NDUFA7: variants seen among roughly 807,000 people sequenced by gnomAD.
The protein encoded by NDUFA7 is NADH dehydrogenase [ubiquinone] 1 alpha subcomplex subunit 7.
Under a neutral mutation model 14.2 loss-of-function variants are expected in NDUFA7, and 18 were observed. The observed-to-expected ratio is 1.27, with a 90% CI of 0.88 to 1.88. The LOEUF (loss-of-function observed/expected upper bound fraction) is 1.88, where lower values mean the gene tolerates loss of function less well. Ranked by LOEUF, NDUFA7 falls within the 40% of genes most tolerant of loss-of-function variation. NDUFA7 has a pLI of 0.00. For missense variants in NDUFA7, 172 were observed against 147.3 expected (o/e 1.17, Z -0.87); for synonymous variants, 75 against 62.1 (o/e 1.21, Z -0.98).
chr19:8,315,880 C>G (rs1053595144), intron 3 of NDUFA7, among the ~76,000 whole-genome samples: 1 of 151,962 alleles, frequency 6.6e-6, no homozygotes, highest in African/African-American at 2.4e-5. Context: ...ACAGGCCAGG[C>G]ACGGTGGGTC....
chr19:8,320,796 T>C (rs1239917231), intron 2 of NDUFA7, 61 bp downstream of exon 2: 1 of 1,596,898 alleles, frequency 6.3e-7, no homozygotes, highest in Non-Finnish European at 8.6e-7. Flanking sequence ...GGAACACAGA[T>C]TTCGTTTTTG....
chr19:8,317,938 G>A (rs969281604), intron 2 of NDUFA7, among the ~76,000 whole-genome samples: 2 of 152,168 alleles, frequency 1.3e-5, no homozygotes, highest in Non-Finnish European at 2.9e-5. Flanking sequence ...CTCCCAAAGT[G>A]CTGGGATTAC....
chr19:8,310,415 G>A (rs1370671598), downstream of NDUFA7: 1 of 152,462 alleles, frequency 6.6e-6, no homozygotes, highest in African/African-American at 2.4e-5. Context: ...GGCAACAAGA[G>A]CGAAACTCTG....
downstream of NDUFA7, chr19:8,308,905 G>A (rs2145385069): frequency 6.6e-6 from 1 of 152,244 alleles, no homozygotes; most frequent in South Asian, 2.1e-4. Context: ...AAAAAGGAAA[G>A]GAAATCAATT....
At chr19:8,316,981 G>C (rs1285015943) in intron 2 of NDUFA7, among the ~76,000 whole-genome samples, 1 of 152,182 alleles carries the variant, frequency 6.6e-6, no homozygotes, top group Non-Finnish European at 1.5e-5. Flanking sequence ...GAGCTTGGCA[G>C]CCAGCCTCAC....
intron 2 of NDUFA7, among the ~76,000 whole-genome samples, chr19:8,317,484 G>A (rs1481875413): frequency 1.3e-5 from 2 of 152,142 alleles, no homozygotes; most frequent in Admixed American, 6.5e-5. Flanking sequence ...ACTCCAGCCT[G>A]GGCGACAGAG....
At chr19:8,315,803 C>A (rs1970225713) in intron 3 of NDUFA7, among the ~76,000 whole-genome samples, 1 of 152,042 alleles carries the variant, frequency 6.6e-6, no homozygotes, top group Non-Finnish European at 1.5e-5. Flanking sequence ...GGAGGGGCAA[C>A]CCACCCCTTC....
intron 2 of NDUFA7, among the ~76,000 whole-genome samples, chr19:8,317,740 T>C (rs1040018506): frequency 6.6e-6 from 1 of 152,218 alleles, no homozygotes; most frequent in African/African-American, 2.4e-5. Context: ...CATAGCTCAC[T>C]GCAGCCTCAA....
At chr19:8,318,026 A>C (rs1568564306) in intron 2 of NDUFA7, among the ~76,000 whole-genome samples, 1 of 151,976 alleles carries the variant, frequency 6.6e-6, no homozygotes, top group Non-Finnish European at 1.5e-5. Context: ...AGAAACATAA[A>C]GTAAAAAATG....
At chr19:8,316,089 C>G (rs1970229285) in intron 3 of NDUFA7, among the ~76,000 whole-genome samples, 1 of 144,590 alleles carries the variant, frequency 6.9e-6, no homozygotes, top group Non-Finnish European at 1.5e-5. Flanking sequence ...GTGGAGATTG[C>G]AGTGAGCCGA....
chr19:8,316,385 T>G (rs1020849651), intron 3 of NDUFA7, 111 bp downstream of exon 3: 9 of 1,455,882 alleles, frequency 6.2e-6, no homozygotes, highest in Non-Finnish European at 8.4e-6. Context: ...CCTGCGCAAC[T>G]GATGCTTACT....
At chr19:8,316,407 T>C in intron 3 of NDUFA7, 89 bp downstream of exon 3, 1 of 1,545,102 alleles carries the variant, frequency 6.5e-7, no homozygotes, top group Non-Finnish European at 8.8e-7. Flanking sequence ...AGTAGGATCT[T>C]GACAAGCACC....
At chr19:8,320,999 C>G (rs926663929) in intron 1 of NDUFA7, 93 bp from the exon 2 acceptor site, 2 of 1,422,936 alleles carry the variant, frequency 1.4e-6, no homozygotes, top group African/African-American at 2.8e-5. Context: ...CGGGGATGCG[C>G]ATTTTAAGGG....
At chr19:8,313,860 G>A (rs1304228999) in intron 3 of NDUFA7, among the ~76,000 whole-genome samples, 1 of 152,230 alleles carries the variant, frequency 6.6e-6, no homozygotes, top group Non-Finnish European at 1.5e-5. Flanking sequence ...CACTGACTCT[G>A]TGCCAGGCTC....
At chr19:8,312,721 G>A (rs929704741) in intron 3 of NDUFA7, among the ~76,000 whole-genome samples, 1 of 152,110 alleles carries the variant, frequency 6.6e-6, no homozygotes, top group Non-Finnish European at 1.5e-5. Context: ...GAGTGCAGTG[G>A]CGCAATCTCA....
At chr19:8,314,622 C>A (rs960801410) in intron 3 of NDUFA7, among the ~76,000 whole-genome samples, 1 of 151,322 alleles carries the variant, frequency 6.6e-6, no homozygotes. Flanking sequence ...AAAAATTAAC[C>A]CAGCATGGAG....
chr19:8,320,929 G>A lies in NDUFA7; in HGVS notation c.52-23C>T, dbSNP rs752394915. The A allele has an allele frequency of 4.3e-6, 7 of 1,613,482 alleles. No individual in the cohort carries two copies. In the Admixed American group the frequency reaches 5.0e-5, roughly 12 times the overall value. On this transcript the variant is annotated intron_variant, in intron 1 of 3. Coordinates refer to ENST00000301457, the MANE Select transcript of NDUFA7 (RefSeq NM_005001.5). ...ATGCTGTGGGAAGAGGAGAGGAGAG[G>A]TCGGCCTGCAAGGCACCCCAGGAGA...
chr19:8,313,665 C>A (rs560130756), intron 3 of NDUFA7, among the ~76,000 whole-genome samples: 13 of 152,200 alleles, frequency 8.5e-5, no homozygotes, highest in African/African-American at 3.1e-4. Context: ...CTGCCCACAC[C>A]GTGAGTTGGC....
At chr19:8,316,875 A>C (rs1970242085) in intron 2 of NDUFA7, 1 of 527,870 alleles carries the variant, frequency 1.9e-6, no homozygotes, top group Admixed American at 3.3e-5. Context: ...TGCCACCCCC[A>C]GGGACCCCAC....
Sources: allele counts gnomAD v4.1 joint callset (sites outside exome capture counted in the v4.1 genomes callset), GRCh38; gene constraint gnomAD v4.1.1; transcripts MANE v1.5; gene names NCBI Gene and HGNC (gene_info 2026-07-23, HGNC 2026-07-21).